PRKCH: variants seen among roughly 807,000 people sequenced by gnomAD.
PRKCH encodes protein kinase C eta, also known as protein kinase C eta type.
In PRKCH, 28 loss-of-function variants were observed where a neutral mutation model predicts 82.5. The observed-to-expected ratio is 0.34, with a 90% CI of 0.25 to 0.47. The LOEUF is 0.47. PRKCH is among the 20% of genes least tolerant of loss of function. The probability of loss-of-function intolerance (pLI) is 1.00; values close to 1 mark genes in which losing one functional copy is unlikely to be tolerated. For missense variants in PRKCH, 705 were observed against 881.8 expected (o/e 0.80, Z 2.54); for synonymous variants, 322 against 327.4 (o/e 0.98, Z 0.18).
intron 2 of PRKCH, among the ~76,000 whole-genome samples, chr14:61,435,704 AAATGAATGAATGAATGAATG>A (rs3837626): frequency 2.9e-4 from 44 of 150,678 alleles, no homozygotes; most frequent in African/African-American, 8.8e-4. Context: ...ATCTCAATAT[AAATGAATGAATGAATGAATG>A]AATGAATGAA....
chr14:61,198,577 C>A (rs1245308938), intron 1 of PRKCH, among the ~76,000 whole-genome samples: 5 of 152,082 alleles, frequency 3.3e-5, no homozygotes, highest in African/African-American at 1.2e-4. Flanking sequence ...TAATGATCTC[C>A]CCACAGTTAG....
chr14:61,219,285 A>G (rs2044637647), intron 1 of PRKCH, among the ~76,000 whole-genome samples: 1 of 152,250 alleles, frequency 6.6e-6, no homozygotes, highest in Non-Finnish European at 1.5e-5. Flanking sequence ...TTTGAGTTTC[A>G]TATAAATAAG....
In PRKCH at chr14:61,261,198, C is replaced by CGCACAT. The variant is rs112138595; in HGVS notation, c.-19+73546_-19+73551dup. ...ACTGTTGCCGTCACCAACGCACACA[C>CGCACAT]GCACATGCACATGCACATGCAAAAA... On this transcript the variant is annotated intron_variant, in intron 1 of 3. Transcript: ENST00000555185. 4.1e-3 allele frequency among the ~76,000 whole-genome samples: 617 copies of CGCACAT among 152,280 alleles called. 3 individuals carry two copies. Among genetic ancestry groups the CGCACAT allele is most frequent in the African/African-American group, 0.013 (556 of 41,534 alleles).
chr14:61,358,742 C>T (rs72728024), intron 1 of PRKCH, among the ~76,000 whole-genome samples: 4,069 of 152,234 alleles, frequency 0.027, 98 homozygotes, highest in Non-Finnish European at 0.041. Flanking sequence ...GCATTCTAGC[C>T]TCCCTTTTAC....
intron 1 of PRKCH, among the ~76,000 whole-genome samples, chr14:61,227,872 C>T (rs1046330139): frequency 6.6e-6 from 1 of 152,120 alleles, no homozygotes; most frequent in African/African-American, 2.4e-5. Context: ...GGTAGAGAAA[C>T]ATTCCTGAGT....
At chr14:61,297,770 G>C (rs947708722) in intron 1 of PRKCH, among the ~76,000 whole-genome samples, 1 of 152,252 alleles carries the variant, frequency 6.6e-6, no homozygotes, top group African/African-American at 2.4e-5. Flanking sequence ...ATGTGGCTGG[G>C]TTCCTAACCG....
chr14:61,291,610 G>A (rs1262815757), intron 1 of PRKCH, among the ~76,000 whole-genome samples: 2 of 152,006 alleles, frequency 1.3e-5, no homozygotes, highest in African/African-American at 2.4e-5. Context: ...GATTACAGGC[G>A]TGAGCCACCA....
At chr14:61,329,851 T>A (rs1215058170) in intron 1 of PRKCH, among the ~76,000 whole-genome samples, 3 of 152,190 alleles carry the variant, frequency 2.0e-5, no homozygotes, top group Non-Finnish European at 4.4e-5. Flanking sequence ...TGGCCTCTAA[T>A]GGAAGCGTGT....
chr14:61,520,343 G>T (rs1448288994), intron 10 of PRKCH, among the ~76,000 whole-genome samples: 1 of 151,880 alleles, frequency 6.6e-6, no homozygotes, highest in African/African-American at 2.4e-5. Flanking sequence ...AACAAATTAA[G>T]AGAATATTGA....
At chr14:61,519,845 C>G (rs1001948330) in intron 10 of PRKCH, among the ~76,000 whole-genome samples, 5 of 149,956 alleles carry the variant, frequency 3.3e-5, no homozygotes, top group Non-Finnish European at 7.4e-5. Context: ...ATCATAGACA[C>G]TTAGTAGACA....
intron 4 of PRKCH, among the ~76,000 whole-genome samples, chr14:61,447,841 TAGAA>T (rs1408651997): frequency 6.6e-6 from 1 of 152,126 alleles, no homozygotes; most frequent in Admixed American, 6.5e-5. Context: ...AGTAGGAAAG[TAGAA>T]AGATCTAAAA....
At chr14:61,436,758 C>G (rs963140597) in intron 2 of PRKCH, among the ~76,000 whole-genome samples, 4 of 152,200 alleles carry the variant, frequency 2.6e-5, no homozygotes, top group African/African-American at 9.6e-5. Context: ...TCTTGAACTC[C>G]TGACCTCAGG....
chr14:61,433,053 A>AAAAAAAAAAC (rs1237671391), intron 2 of PRKCH, among the ~76,000 whole-genome samples: 1 of 144,770 alleles, frequency 6.9e-6, no homozygotes, highest in African/African-American at 2.8e-5. Context: ...CAAAAAAAAA[A>AAAAAAAAAAC]AAAAAAAACT....
intron 1 of PRKCH, among the ~76,000 whole-genome samples, chr14:61,196,128 A>G (rs2044440763): frequency 6.6e-6 from 1 of 152,198 alleles, no homozygotes; most frequent in Non-Finnish European, 1.5e-5. Flanking sequence ...AAAATAGCCT[A>G]TTAAAAAAAG....
At chr14:61,239,862 C>A (rs996780274) in intron 1 of PRKCH, among the ~76,000 whole-genome samples, 2 of 152,180 alleles carry the variant, frequency 1.3e-5, no homozygotes, top group Non-Finnish European at 2.9e-5. Flanking sequence ...CTGAAGTCTG[C>A]ACTGGGGGTA....
At chr14:61,442,058 C>T (rs1884001433) in intron 2 of PRKCH, among the ~76,000 whole-genome samples, 1 of 152,038 alleles carries the variant, frequency 6.6e-6, no homozygotes, top group South Asian at 2.1e-4. Flanking sequence ...TTGAAATCTT[C>T]TGTCTCTTCC....
intron 2 of PRKCH, among the ~76,000 whole-genome samples, chr14:61,420,180 T>C (rs1224059393): frequency 3.9e-5 from 6 of 152,198 alleles, no homozygotes; most frequent in Non-Finnish European, 7.3e-5. Flanking sequence ...TGTGCCTCTG[T>C]ACGTGTGTGT....
chr14:61,505,357 G>C (rs550180916), intron 10 of PRKCH, among the ~76,000 whole-genome samples: 2 of 146,268 alleles, frequency 1.4e-5, no homozygotes, highest in African/African-American at 5.0e-5. Context: ...AGCCGTGAGA[G>C]AGCTCTCTAG....
At chr14:61,370,857 T>C (rs1217221436) in intron 1 of PRKCH, among the ~76,000 whole-genome samples, 2 of 151,990 alleles carry the variant, frequency 1.3e-5, no homozygotes, top group Non-Finnish European at 2.9e-5. Context: ...TCTCCAGGGG[T>C]GTGGATAACA....
Sources: allele counts gnomAD v4.1 joint callset (sites outside exome capture counted in the v4.1 genomes callset), GRCh38; gene constraint gnomAD v4.1.1; transcripts MANE v1.5; gene names NCBI Gene and HGNC (gene_info 2026-07-23, HGNC 2026-07-21).